RSRC1: variants seen among roughly 807,000 people sequenced by gnomAD.
RSRC1 encodes arginine and serine rich coiled-coil 1, also known as serine/Arginine-related protein 53.
RSRC1 carries 39 observed loss-of-function variants against 49.1 expected under a neutral mutation model. The ratio of observed to expected loss-of-function variants is 0.79; its 90% CI spans 0.61 to 1.04. RSRC1 has a LOEUF of 1.04. Among genes scored for constraint, RSRC1 ranks in the 50% least tolerant of loss-of-function variants. RSRC1 has a pLI of 0.00. For synonymous variants in RSRC1, 143 were observed against 130.8 expected (o/e 1.09, Z -0.63); for missense variants, 388 against 402.4 (o/e 0.96, Z 0.31).
chr3:158,335,390 T>C (rs185125473), intron 5 of RSRC1, among the ~76,000 whole-genome samples: 17 of 152,228 alleles, frequency 1.1e-4, no homozygotes, highest in African/African-American at 3.4e-4. Context: ...TGAAAGACCA[T>C]GTATTGCTGA....
At chr3:158,197,070 G>A (rs569505715) in intron 3 of RSRC1, among the ~76,000 whole-genome samples, 72 of 152,276 alleles carry the variant, frequency 4.7e-4, no homozygotes, top group East Asian at 3.1e-3. Flanking sequence ...AGTTTCAGAA[G>A]GAATGGTATC....
intron 6 of RSRC1, among the ~76,000 whole-genome samples, chr3:158,423,769 T>C (rs1474204274): frequency 2.0e-5 from 3 of 152,034 alleles, no homozygotes; most frequent in Non-Finnish European, 2.9e-5. Flanking sequence ...TGGTTTGTAG[T>C]TCTCCTTGAA....
At chr3:158,362,507 G>A (rs1046382859) in intron 6 of RSRC1, among the ~76,000 whole-genome samples, 2 of 152,180 alleles carry the variant, frequency 1.3e-5, no homozygotes, top group East Asian at 1.9e-4. Context: ...AGATGCTGAT[G>A]TGCTCATTTT....
intron 5 of RSRC1, among the ~76,000 whole-genome samples, chr3:158,314,515 A>G (rs1192442218): frequency 2.0e-5 from 3 of 152,222 alleles, no homozygotes; most frequent in East Asian, 1.9e-4. Context: ...AAATAAAGCT[A>G]TGCTGGATTT....
intron 7 of RSRC1, among the ~76,000 whole-genome samples, chr3:158,527,424 A>G (rs1417122707): frequency 6.6e-6 from 1 of 151,904 alleles, no homozygotes; most frequent in African/African-American, 2.4e-5. Flanking sequence ...TTTTTGGTGA[A>G]TATAAGCAGA....
intron 4 of RSRC1, among the ~76,000 whole-genome samples, chr3:158,288,749 T>G (rs1044351961): frequency 6.6e-6 from 1 of 151,884 alleles, no homozygotes; most frequent in African/African-American, 2.4e-5. Context: ...TTAAATGTTA[T>G]GTGAGTGGTT....
At chr3:158,205,822 TA>T (rs1004984190) in intron 4 of RSRC1, among the ~76,000 whole-genome samples, 21 of 151,474 alleles carry the variant, frequency 1.4e-4, no homozygotes, top group African/African-American at 3.9e-4. Context: ...GCTGATGAGC[TA>T]AAAAAAAATC....
At chr3:158,263,006 A>G (rs1724984707) in intron 4 of RSRC1, among the ~76,000 whole-genome samples, 1 of 152,046 alleles carries the variant, frequency 6.6e-6, no homozygotes, top group African/African-American at 2.4e-5. Flanking sequence ...AATTCTTTCC[A>G]GTCTTGATGC....
rs181985461 is a variant in RSRC1 at position 158,401,750 on chromosome 3, G to C, written c.583+46842G>C. On this transcript the variant is annotated intron_variant, in intron 6 of 9. Transcript: ENST00000611884. ...ATTGTATATAATAAATAGAGATACA[G>C]AGATTTATTGAAACCTATGTGATAA... Among the ~76,000 whole-genome samples, 157 of 152,132 alleles carry C rather than the reference G, an allele frequency of 1.0e-3. 1 individual carries two copies. Among genetic ancestry groups the C allele is most frequent in the Admixed American group, 3.1e-3 (47 of 15,252 alleles).
chr3:158,406,886 C>A (rs1734183573), intron 6 of RSRC1, among the ~76,000 whole-genome samples: 1 of 152,032 alleles, frequency 6.6e-6, no homozygotes, highest in Non-Finnish European at 1.5e-5. Context: ...GGGCTTTAGT[C>A]GGCTTCTGCT....
At chr3:158,177,176 AC>A (rs1486598568) in intron 3 of RSRC1, among the ~76,000 whole-genome samples, 5 of 152,304 alleles carry the variant, frequency 3.3e-5, no homozygotes, top group Middle Eastern at 6.8e-3. Context: ...AAATAGGAAC[AC>A]TTTTACATTG....
At chr3:158,421,396 G>A (rs1470154606) in intron 6 of RSRC1, among the ~76,000 whole-genome samples, 1 of 151,902 alleles carries the variant, frequency 6.6e-6, no homozygotes, top group Admixed American at 6.6e-5. Flanking sequence ...AGATTTGATG[G>A]TGATGGTAAA....
intron 6 of RSRC1, among the ~76,000 whole-genome samples, chr3:158,425,549 T>C (rs988176165): frequency 6.6e-6 from 1 of 152,014 alleles, no homozygotes; most frequent in Non-Finnish European, 1.5e-5. Flanking sequence ...CTGAAAAAAA[T>C]GTATATTCTG....
chr3:158,452,751 G>A (rs961731508), intron 6 of RSRC1, among the ~76,000 whole-genome samples: 9 of 152,118 alleles, frequency 5.9e-5, no homozygotes, highest in African/African-American at 1.4e-4. Flanking sequence ...AGAGCATCAC[G>A]AAACTTCTTC....
chr3:158,402,677 C>T (rs1428482221), intron 6 of RSRC1, among the ~76,000 whole-genome samples: 1 of 151,752 alleles, frequency 6.6e-6, no homozygotes. Context: ...TATTAATAAA[C>T]ATTAATATAA....
chr3:158,113,825 C>T (rs778652315), intron 1 of RSRC1, among the ~76,000 whole-genome samples: 5 of 152,022 alleles, frequency 3.3e-5, no homozygotes, highest in Non-Finnish European at 7.4e-5. Flanking sequence ...TGTTCATGTT[C>T]TTTGCCCATT....
chr3:158,335,344 A>G (rs1010179603), intron 5 of RSRC1, among the ~76,000 whole-genome samples: 1 of 152,186 alleles, frequency 6.6e-6, no homozygotes, highest in Non-Finnish European at 1.5e-5. Flanking sequence ...GAGTGAAAGC[A>G]GAGGGAGGAA....
chr3:158,185,602 A>G (rs1341585456), intron 3 of RSRC1, among the ~76,000 whole-genome samples: 1 of 151,918 alleles, frequency 6.6e-6, no homozygotes, highest in Non-Finnish European at 1.5e-5. Flanking sequence ...CAGTGTTAAT[A>G]AGAACTAACA....
intron 7 of RSRC1, among the ~76,000 whole-genome samples, chr3:158,472,781 A>G (rs555593018): frequency 2.3e-4 from 35 of 152,256 alleles, no homozygotes; most frequent in African/African-American, 7.9e-4. Flanking sequence ...ATTTTCTCCC[A>G]TTCTGTAGGT....
Sources: gnomAD v4.1 joint callset for allele counts (sites outside exome capture counted in the v4.1 genomes callset) on GRCh38, gnomAD v4.1.1 for gene constraint, MANE v1.5 for transcripts, NCBI Gene and HGNC (gene_info 2026-07-23, HGNC 2026-07-21) for gene names.